Variants in TTN observed in about 807,000 individuals in gnomAD.
TTN encodes the protein titin.
In TTN, 1,525 loss-of-function variants were observed where a neutral mutation model predicts 3,223.0. The observed-to-expected ratio is 0.47, with a 90% CI of 0.45 to 0.49. The LOEUF (loss-of-function observed/expected upper bound fraction) is 0.49, where lower values mean the gene tolerates loss of function less well. TTN is among the 20% of genes least tolerant of loss of function. The pLI is 0.00. For synonymous variants in TTN, 14,094 were observed against 15,161.0 expected, an observed-to-expected ratio of 0.93 and a Z score of 5.17; for missense variants, 40,786 against 43,424.0, an observed-to-expected ratio of 0.94 and a Z score of 5.40.
In TTN at chr2:178,552,271, A is replaced by G. The variant is rs767880082; in HGVS notation, c.90629T>C (p.Val30210Ala). 4.3e-6 allele frequency: 7 copies of G among 1,613,372 alleles called. No individual in the cohort carries two copies. The highest frequency in any genetic ancestry group is 5.9e-6 in the Non-Finnish European group (7 of 1,179,692). The change falls in exon 335 of 363, where the codon GTG becomes GCG. Residue 30210 changes from valine to alanine, a missense_variant. Val to Ala is a moderately conservative substitution (Grantham distance 64, BLOSUM62 0). Transcript: ENST00000589042. ...TGTAATGGGGACTGCAATTCTACAC[A>G]CTGCATTATCAAGAATAACAGTGTA... is the stretch of plus-strand genomic sequence containing the variant. ...GKYTVILDNA[V>A]CRIAVPITVI...
chr2:178,605,792 T>A, intron 278 of TTN, 79 bp from the exon 279 acceptor site: 1 of 1,233,006 alleles, frequency 8.1e-7, no homozygotes, highest in Non-Finnish European at 1.1e-6. Context: ...TCAACTTAAT[T>A]ATGTAAAAAA....
Position 178,679,871 on chromosome 2 carries a change from C to G in TTN, c.33580+23G>C, listed in dbSNP as rs748801587. 4.3e-6 allele frequency: 7 copies of G among 1,611,326 alleles called. No individual in the cohort carries two copies. The Admixed American group carries it at 8.4e-5, about 19-fold the overall frequency. On this transcript the variant is annotated intron_variant, in intron 140 of 362. Coordinates refer to ENST00000589042, the MANE Select transcript of TTN (RefSeq NM_001267550.2). ...AACTCCAAAGATGCTGTTGCACAGC[C>G]CTTTGCAGGAGGCATCATCTACCTT...
In TTN at chr2:178,756,457, G is replaced by A. The variant is rs72955212; in HGVS notation, c.11019C>T (p.Cys3673=). Residue 3673 remains cysteine (C), a synonymous_variant, in exon 46 of 363, where the codon TGC becomes TGT. Transcript: ENST00000589042. ...CACAGAGGAATTGAGCCGTGTCACC[G>A]CACTTTACAGTGACGTCCTGAAGAT... ...FLHLQDVTVK[C]GDTAQFLCVL... 21,875 of 1,613,732 alleles carry A rather than the reference G, an allele frequency of 0.014. 185 individuals are homozygous for A. The highest frequency in any genetic ancestry group is 0.016 in the Non-Finnish European group (18,776 of 1,179,800).
In TTN at chr2:178,572,963, G is replaced by T. The variant is rs1060500583; in HGVS notation, c.73169C>A (p.Thr24390Lys). The T allele has an allele frequency of 6.2e-7, 1 of 1,613,210 alleles. No homozygotes were observed. The change falls in exon 326 of 363, where the codon ACA becomes AAA. Residue 24390 changes from threonine to lysine, a missense_variant. By Grantham distance (78) the Thr-to-Lys change is moderately conservative. Coordinates refer to ENST00000589042, the MANE Select transcript of TTN (RefSeq NM_001267550.2). ...GCGGATCTTATATTCCTGATTCTCTGTGAGGCCAGTGATAGTATACGAAGT... is the reference window on the plus strand; with the variant it reads ...GCGGATCTTATATTCCTGATTCTCTTTGAGGCCAGTGATAGTATACGAAGT... The part of the protein sequence containing the change: ...KATSYTITGL[T>K]ENQEYKIRIY...
In TTN at chr2:178,607,767, T is replaced by C. The variant is rs1221883290; in HGVS notation, c.53002+18A>G. 1.6e-5 allele frequency: 25 copies of C among 1,612,236 alleles called. No individual in the cohort carries two copies. The highest frequency in any genetic ancestry group is 2.1e-5 in the Non-Finnish European group (25 of 1,179,192). ...ATAGAGAAAATATCCATAATTTTAT[T>C]CCAATAACGTTAAGTACCTTGTGGT... is the stretch of plus-strand genomic sequence containing the variant. On this transcript the variant is annotated intron_variant, in intron 276 of 362. Coordinates refer to ENST00000589042, the MANE Select transcript of TTN (RefSeq NM_001267550.2).
chr2:178,730,131 AC>A lies in TTN; in HGVS notation c.18268del (p.Val6090LeufsTer12). On this transcript the variant is annotated frameshift_variant, in exon 62 of 363. Coordinates refer to ENST00000589042, the MANE Select transcript of TTN (RefSeq NM_001267550.2). LOFTEE classifies it high-confidence loss of function. Reference sequence around the variant, plus strand: ...AGTGGCTTTGCTGGTTGCTGTGCCAACATCATTGCTTAGTTGGCAAATGTAG... The same window carrying A: ...AGTGGCTTTGCTGGTTGCTGTGCCAAATCATTGCTTAGTTGGCAAATGTAG... ...GTYICQLSND[V>X]GTATSKATLF... 1 of 1,613,252 alleles carries A rather than the reference AC, an allele frequency of 6.2e-7. No individual in the cohort carries two copies. Among genetic ancestry groups the A allele is most frequent in the Non-Finnish European group, 8.5e-7 (1 of 1,179,522 alleles).
Position 178,588,945 on chromosome 2 carries a change from C to T in TTN, c.62780G>A (p.Arg20927His), listed in dbSNP as rs397517652. The T allele has an allele frequency of 1.6e-5, 26 of 1,612,660 alleles. No homozygotes were observed. The highest frequency in any genetic ancestry group is 8.0e-5 in the African/African-American group (6 of 74,962). Reference protein sequence around the residue: ...TVLTPGTTVTRLIEGNEYIFR... With the variant: ...TVLTPGTTVTHLIEGNEYIFR... ...AATATATTCATTTCCTTCTATGAGA[C>T]GTGTTACTGTAGTACCAGGTGTCAA... The change falls in exon 304 of 363, where the codon CGT becomes CAT. Residue 20927 changes from arginine (R) to histidine (H), a missense_variant. Physicochemically the swap from Arg to His is conservative, Grantham distance 29 (BLOSUM62 0). Transcript: ENST00000589042.
chr2:178,751,582 A>G, intron 47 of TTN: 1 of 1,613,204 alleles, frequency 6.2e-7, no homozygotes, highest in Non-Finnish European at 8.5e-7. Context: ...GAAATTCTAA[A>G]TATTTCTCAT....
Position 178,616,466 on chromosome 2 carries a change from G to C in TTN, c.48312+13C>G. 1 of 1,611,700 alleles carries C rather than the reference G, an allele frequency of 6.2e-7. No homozygotes were observed. Among genetic ancestry groups the C allele is most frequent in the Non-Finnish European group, 8.5e-7 (1 of 1,178,596 alleles). On this transcript the variant is annotated intron_variant, in intron 257 of 362. Transcript: ENST00000589042. Reference sequence around the variant, plus strand: ...TCATTTTTGGCATTGATGCAGTGCTGCTCAAAACTCACTTTAGTCCATGTT... The same window carrying C: ...TCATTTTTGGCATTGATGCAGTGCTCCTCAAAACTCACTTTAGTCCATGTT...
In TTN at chr2:178,735,004, A is replaced by C. The variant is rs1168820371; in HGVS notation, c.14936-16T>G. 1 of 1,517,636 alleles carries C rather than the reference A, an allele frequency of 6.6e-7. No homozygotes were observed. The allele number at this position is 1,517,636 out of a possible 1,614,324, so 94.0% of individuals were successfully genotyped here. A position where few individuals can be genotyped will look rare whatever the true frequency, so the allele number is the denominator to read the frequency against. ...GATGGTGGCTCTACATGAAGTTTAC[A>C]AAAAAGAAAAAGGAGAAGATATCTG... is the stretch of plus-strand genomic sequence containing the variant. On this transcript the variant is annotated splice_polypyrimidine_tract_variant and intron_variant, in intron 50 of 362. Coordinates refer to ENST00000589042, the MANE Select transcript of TTN (RefSeq NM_001267550.2).
chr2:178,700,476 C>G (rs2074765376), intron 111 of TTN, among the ~76,000 whole-genome samples: 1 of 152,172 alleles, frequency 6.6e-6, no homozygotes, highest in South Asian at 2.1e-4. Flanking sequence ...GACAGCATTT[C>G]TGAACTCCCT....
In TTN at chr2:178,800,388, C is replaced by A. The variant is rs1289220496; in HGVS notation, c.583+7G>T. On this transcript the variant is annotated splice_region_variant and intron_variant, in intron 4 of 362. Transcript: ENST00000589042. ...CTTCTCTCTGTTCCTCAACCTCCAGCACGTACCTTGAACCAGTAATTCAGC... is the reference window on the plus strand; with the variant it reads ...CTTCTCTCTGTTCCTCAACCTCCAGAACGTACCTTGAACCAGTAATTCAGC... 4 of 1,614,100 alleles carry A rather than the reference C, an allele frequency of 2.5e-6. No individual in the cohort carries two copies. In the South Asian group the frequency reaches 4.4e-5, roughly 18 times the overall value.
rs536650043 is a variant in TTN, at chr2:178,728,831, T to TA, written c.19148-54dup. ...GTTACATTGGTAACTCCACTAGAAA[T>TA]AATGTCTGCTAATGAAACTGTCGCT... is the stretch of plus-strand genomic sequence containing the variant. On this transcript the variant is annotated intron_variant, in intron 65 of 362. Transcript: ENST00000589042. 632 of 1,571,402 alleles carry TA rather than the reference T, an allele frequency of 4.0e-4. 6 individuals are homozygous for TA. In the Middle Eastern group the frequency reaches 4.9e-3, roughly 12 times the overall value.
At chr2:178,779,585 TG>T in intron 22 of TTN, 123 bp from the exon 23 acceptor site, 1 of 689,208 alleles carries the variant, frequency 1.5e-6, no homozygotes, top group Non-Finnish European at 2.4e-6. Context: ...GAGGACTTTT[TG>T]GTTTGTTTGT....
In TTN at chr2:178,771,284, G is replaced by A. The variant is rs776839697; in HGVS notation, c.8043C>T (p.Thr2681=). 12 of 1,613,986 alleles carry A rather than the reference G, an allele frequency of 7.4e-6. No individual in the cohort carries two copies. The South Asian group carries it at 7.7e-5, about 10-fold the overall frequency. Residue 2681 remains threonine, a synonymous_variant, in exon 34 of 363, where the codon ACC becomes ACT. Transcript: ENST00000589042. ...GHKRRLIIAA[T]KLDDIGEYTY... ...TATATTCTCCAATGTCATCTAATTT[G>A]GTGGCAGCAATGATAAGTCTCCTTT...
Position 178,704,914 on chromosome 2 carries a change from A to G in TTN, c.29657T>C (p.Leu9886Pro). ...SERDEKEFEE[L>P]VSFIQQRLSQ... ...CAGTCTTTGCTGAATAAATGATACA[A>G]GTTCCTCAAATTCCTTTTCGTCCCT... is the stretch of plus-strand genomic sequence containing the variant. The change falls in exon 104 of 363, where the codon CTT becomes CCT. Residue 9886 changes from leucine (L) to proline (P), a missense_variant. Coordinates refer to ENST00000589042, the MANE Select transcript of TTN (RefSeq NM_001267550.2). The G allele has an allele frequency of 4.3e-6, 7 of 1,613,458 alleles. No individual in the cohort carries two copies. Among genetic ancestry groups the G allele is most frequent in the Non-Finnish European group, 5.9e-6 (7 of 1,179,782 alleles).
intron 110 of TTN, 48 bp from the exon 111 acceptor site, chr2:178,701,251 G>A (rs868523480): frequency 1.3e-6 from 2 of 1,520,594 alleles, no homozygotes; most frequent in Middle Eastern, 3.5e-4. Flanking sequence ...TTCTTATTTT[G>A]CGTAAAATAT....
Position 178,564,258 on chromosome 2 carries a change from T to C in TTN, c.81874A>G (p.Thr27292Ala). The C allele has an allele frequency of 6.2e-7, 1 of 1,613,282 alleles. No homozygotes were observed. The highest frequency in any genetic ancestry group is 8.5e-7 in the Non-Finnish European group (1 of 1,179,786). ...KDVIVVHAGETFVLEADIRGK... is the reference protein window; with the variant it reads ...KDVIVVHAGEAFVLEADIRGK... ...CGGATGTCGGCTTCAAGAACAAAAGTCTCTCCTGCATGAACAACGATGACA... is the reference window on the plus strand; with the variant it reads ...CGGATGTCGGCTTCAAGAACAAAAGCCTCTCCTGCATGAACAACGATGACA... The change falls in exon 326 of 363, where the codon ACT (threonine) becomes GCT (alanine). Residue 27292 changes from threonine (T) to alanine (A), a missense_variant. By Grantham distance (58) the Thr-to-Ala change is moderately conservative (BLOSUM62 0). Transcript: ENST00000589042.
In TTN at chr2:178,713,903, C is replaced by T. The variant is rs774905023; in HGVS notation, c.26755G>A (p.Val8919Ile). 13 of 1,612,658 alleles carry T rather than the reference C, an allele frequency of 8.1e-6. No individual in the cohort carries two copies. The highest frequency in any genetic ancestry group is 3.3e-5 in the Admixed American group (2 of 59,918). ...GKDSCTASLQ[V>I]SDRTVPPSFT... ...GCCCAAGAAATCAACCAACCTGAAA[C>T]CTGCAATGAAGCTGTGCAGCTGTCT... Residue 8919 changes from valine to isoleucine, a missense_variant, in exon 92 of 363, where the codon GTT becomes ATT. Transcript: ENST00000589042.
Sources: gnomAD v4.1 joint callset for allele counts (sites outside exome capture counted in the v4.1 genomes callset) on GRCh38, gnomAD v4.1.1 for gene constraint, MANE v1.5 for transcripts, NCBI Gene and HGNC (gene_info 2026-07-23, HGNC 2026-07-21) for gene names.